Variants in DNAJB1 observed in about 807,000 individuals in gnomAD.
DNAJB1 encodes dnaJ homolog subfamily B member 1.
In DNAJB1, 14 loss-of-function variants were observed where a neutral mutation model predicts 24.0. The ratio of observed to expected loss-of-function variants is 0.58; its 90% CI spans 0.39 to 0.91. DNAJB1 has a LOEUF of 0.91. Ranked by LOEUF, DNAJB1 falls within the 40% of genes least tolerant of loss-of-function variation. DNAJB1 has a pLI of 0.00. For synonymous variants in DNAJB1, 262 were observed against 174.4 expected, an observed-to-expected ratio of 1.50 and a Z score of -3.96; for missense variants, 517 against 458.1, an observed-to-expected ratio of 1.13 and a Z score of -1.17.
upstream of DNAJB1, among the ~76,000 whole-genome samples, chr19:14,518,942 A>G (rs1056733994): frequency 2.0e-5 from 3 of 152,202 alleles, no homozygotes; most frequent in Non-Finnish European, 4.4e-5. Flanking sequence ...GCAATAAGAG[A>G]ACCTATCAGG....
At chr19:14,545,136 A>G (rs2073256169) in intron 1 of DNAJB1, 1 of 456,696 alleles carries the variant, frequency 2.2e-6, no homozygotes, top group Non-Finnish European at 4.4e-6. Context: ...TCTTCAAGAA[A>G]CCAAAGCAGC....
chr19:14,517,171 AG>A (rs1244219274), intron 1 of DNAJB1, 125 bp from the exon 2 acceptor site: 3 of 956,314 alleles, frequency 3.1e-6, no homozygotes, highest in Non-Finnish European at 4.6e-6. Flanking sequence ...GGGGAGAGCA[AG>A]GAAGAACCCC....
intron 1 of DNAJB1, among the ~76,000 whole-genome samples, chr19:14,539,230 G>A (rs997334742): frequency 7.1e-6 from 1 of 141,134 alleles, no homozygotes; most frequent in Admixed American, 7.9e-5. Flanking sequence ...TCCTGACTTC[G>A]TGATCCACCT....
At chr19:14,536,286 G>A (rs1165427294) in intron 1 of DNAJB1, among the ~76,000 whole-genome samples, 2 of 130,794 alleles carry the variant, frequency 1.5e-5, no homozygotes, top group Non-Finnish European at 3.2e-5. Context: ...TTTTTTTTTC[G>A]TGAGACAGAG....
upstream of DNAJB1, among the ~76,000 whole-genome samples, chr19:14,551,927 C>T (rs955521151): frequency 8.1e-6 from 1 of 123,862 alleles, no homozygotes; most frequent in African/African-American, 3.0e-5. Flanking sequence ...CCCTCCCTCC[C>T]TCTCTCTCTC....
At chr19:14,557,917 G>A (rs544553682) in intron 1 of DNAJB1, among the ~76,000 whole-genome samples, 2 of 151,722 alleles carry the variant, frequency 1.3e-5, no homozygotes, top group African/African-American at 2.4e-5. Flanking sequence ...CACCGCACCC[G>A]GCTAATTTTT....
upstream of DNAJB1, among the ~76,000 whole-genome samples, chr19:14,523,286 AG>A (rs2072383090): frequency 6.6e-6 from 1 of 152,126 alleles, no homozygotes; most frequent in South Asian, 2.1e-4. Flanking sequence ...ATGAACAGGA[AG>A]TGAACAGGAA....
chr19:14,525,230 C>A (rs766886909), intron 2 of DNAJB1, among the ~76,000 whole-genome samples: 2 of 152,138 alleles, frequency 1.3e-5, no homozygotes, highest in Non-Finnish European at 2.9e-5. Context: ...GAGACTCCAT[C>A]TCAAAAATAA....
chr19:14,543,426 T>A (rs1453487490), intron 1 of DNAJB1, among the ~76,000 whole-genome samples: 30 of 7,830 alleles, frequency 3.8e-3, no homozygotes, highest in Non-Finnish European at 4.5e-3. Context: ...TATATTTTTT[T>A]TTTTTTTTTT....
chr19:14,560,184 T>C (rs1320260254), exon 1 of DNAJB1, among the ~76,000 whole-genome samples: 1 of 152,164 alleles, frequency 6.6e-6, no homozygotes, highest in East Asian at 1.9e-4. Flanking sequence ...ATGGCCGTAC[T>C]CTCCCTCTTG....
rs542826791 is a variant in DNAJB1 at position 14,528,800 on chromosome 19, C to T, written c.-175+410G>A. On this transcript the variant is annotated intron_variant, in intron 1 of 3. Transcript: ENST00000396969. ...TACTAAAAAAAATACAAAAATTAGTCGGGCGTGGTGGCGGGTGCCTGTAAT... is the reference window on the plus strand; with the variant it reads ...TACTAAAAAAAATACAAAAATTAGTTGGGCGTGGTGGCGGGTGCCTGTAAT... Among the ~76,000 whole-genome samples the T allele has an allele frequency of 6.6e-5, 10 of 152,094 alleles. No individual in the cohort carries two copies. In the East Asian group the frequency reaches 1.9e-3, roughly 30 times the overall value.
chr19:14,520,835 TA>T (rs547746705), upstream of DNAJB1, among the ~76,000 whole-genome samples: 299 of 151,670 alleles, frequency 2.0e-3, no homozygotes, highest in African/African-American at 7.0e-3. Flanking sequence ...AAATTAAAAA[TA>T]AAAAAAATTA....
chr19:14,518,364 GC>G lies in DNAJB1; in HGVS notation c.-16del. On this transcript the variant is annotated 5_prime_UTR_variant, in exon 1 of 3. Transcript: ENST00000254322. ...TCTTTACCCATGACCCCCTCCTGCG[GC>G]CCGCCGACCCGCTGTCGCCGTCCCC... 2 of 1,537,428 alleles carry G rather than the reference GC, an allele frequency of 1.3e-6. No individual in the cohort carries two copies.
chr19:14,548,210 C>G (rs2073371518), intron 1 of DNAJB1, among the ~76,000 whole-genome samples: 1 of 152,146 alleles, frequency 6.6e-6, no homozygotes. Flanking sequence ...GATCCGCCCC[C>G]TCGGCCTCCC....
At chr19:14,547,617 C>T (rs1268938393) in intron 1 of DNAJB1, among the ~76,000 whole-genome samples, 2 of 151,244 alleles carry the variant, frequency 1.3e-5, no homozygotes, top group Non-Finnish European at 2.9e-5. Flanking sequence ...CTGCCTTGGC[C>T]TCCCAAAGTT....
chr19:14,544,759 A>G (rs1015027377), intron 1 of DNAJB1, among the ~76,000 whole-genome samples: 1 of 151,846 alleles, frequency 6.6e-6, no homozygotes, highest in Admixed American at 6.6e-5. Context: ...CGGCCTCCCA[A>G]GTAGCTGAGA....
upstream of DNAJB1, chr19:14,518,459 C>T (rs1419361818): frequency 2.1e-6 from 2 of 941,516 alleles, no homozygotes; most frequent in Non-Finnish European, 2.8e-6. Flanking sequence ...GCCCGCCAGC[C>T]CCCTCCAGAA....
intron 1 of DNAJB1, among the ~76,000 whole-genome samples, chr19:14,539,610 C>G (rs1004565642): frequency 6.6e-6 from 1 of 152,106 alleles, no homozygotes; most frequent in Non-Finnish European, 1.5e-5. Flanking sequence ...CATCTGTCCC[C>G]TGCTTTCCTC....
intron 1 of DNAJB1, among the ~76,000 whole-genome samples, chr19:14,541,967 G>A (rs1025782976): frequency 7.2e-5 from 11 of 152,134 alleles, no homozygotes; most frequent in African/African-American, 2.6e-4. Context: ...TGTATGTGTA[G>A]TAGACCGGGT....
Sources: gnomAD v4.1 joint callset for allele counts (sites outside exome capture counted in the v4.1 genomes callset) on GRCh38, gnomAD v4.1.1 for gene constraint, MANE v1.5 for transcripts, NCBI Gene and HGNC (gene_info 2026-07-23, HGNC 2026-07-21) for gene names.